The following IQGAP1 variants were observed in gnomAD, a reference collection of about 807,000 sequenced individuals.
The protein encoded by IQGAP1 is IQ motif containing GTPase activating protein 1, also known as ras GTPase-activating-like protein IQGAP1.
IQGAP1 carries 66 observed loss-of-function variants against 215.6 expected under a neutral mutation model. The observed-to-expected ratio is 0.31, with a 90% confidence interval of 0.25 to 0.38. The LOEUF (loss-of-function observed/expected upper bound fraction) is 0.38, where lower values mean the gene tolerates loss of function less well. IQGAP1 is among the 10% of genes least tolerant of loss of function. The probability of loss-of-function intolerance (pLI) is 1.00; values close to 1 mark genes in which losing one functional copy is unlikely to be tolerated. For synonymous variants in IQGAP1, 772 were observed against 728.7 expected (o/e 1.06, Z -0.96); for missense variants, 1,712 against 1,997.1 (o/e 0.86, Z 2.72).
chr15:90,476,730 T>C lies in IQGAP1; in HGVS notation c.2852T>C (p.Ile951Thr). ...NKEQLSDMMM[I>T]NKQKGGLKAL... Reference sequence around the variant, plus strand: ...GAACAGTTGTCTGATATGATGATGATAAATAAACAGAAGGGAGGTCTCAAG... The same window carrying C: ...GAACAGTTGTCTGATATGATGATGACAAATAAACAGAAGGGAGGTCTCAAG... The change falls in exon 24 of 38, where the codon ATA becomes ACA. Residue 951 changes from isoleucine to threonine, a missense_variant. Around this residue, in one of 2 missense-constraint regions of IQGAP1, gnomAD observed 691 missense variants for 923.0 expected, o/e 0.75. Coordinates refer to ENST00000268182, the MANE Select transcript of IQGAP1 (RefSeq NM_003870.4). The C allele has an allele frequency of 6.2e-7, 1 of 1,607,088 alleles. No homozygotes were observed. Among genetic ancestry groups the C allele is most frequent in the Non-Finnish European group, 8.5e-7 (1 of 1,178,266 alleles).
intron 1 of IQGAP1, among the ~76,000 whole-genome samples, chr15:90,390,562 TATC>T (rs1964621438): frequency 6.6e-6 from 1 of 152,252 alleles, no homozygotes; most frequent in Admixed American, 6.5e-5. Context: ...ATATTTATAT[TATC>T]ATACATTTTT....
At chr15:90,477,306 C>T in intron 25 of IQGAP1, 76 bp downstream of exon 25, 1 of 1,192,070 alleles carries the variant, frequency 8.4e-7, no homozygotes, top group South Asian at 1.4e-5. Flanking sequence ...TCATGCCTTC[C>T]TGATCTTTTC....
chr15:90,466,576 T>TA (rs1255984394), intron 17 of IQGAP1, 140 bp downstream of exon 17: 1 of 798,732 alleles, frequency 1.3e-6, no homozygotes, highest in Non-Finnish European at 1.9e-6. Flanking sequence ...TTAAAGGAGA[T>TA]AAAATCCCTA....
At chr15:90,491,955 G>A (rs908733225) in intron 34 of IQGAP1, among the ~76,000 whole-genome samples, 3 of 152,170 alleles carry the variant, frequency 2.0e-5, no homozygotes. Flanking sequence ...ATAATATTAT[G>A]CACACCTGAG....
At chr15:90,491,636 A>C in intron 34 of IQGAP1, 91 bp downstream of exon 34, 1 of 1,018,008 alleles carries the variant, frequency 9.8e-7, no homozygotes. Flanking sequence ...GCATAGCTTC[A>C]GTTCATGGGC....
chr15:90,410,806 CAT>C, intron 2 of IQGAP1, among the ~76,000 whole-genome samples: 1 of 148,296 alleles, frequency 6.7e-6, no homozygotes, highest in Non-Finnish European at 1.5e-5. Flanking sequence ...AACAAACCTG[CAT>C]GTTGTGCACA....
Position 90,486,134 on chromosome 15 carries a change from T to C in IQGAP1, c.4024+2T>C. 6.2e-7 allele frequency: 1 copy of C among 1,607,514 alleles called. No individual in the cohort carries two copies. On this transcript the variant is annotated splice_donor_variant, in intron 31 of 37. Transcript: ENST00000268182. LOFTEE classifies it high-confidence loss of function. Reference sequence around the variant, plus strand: ...TGCCCACCATCGAGTCCCTGATAGGTAGAGTTCTAACTTTTGCCTGGAAGA... The same window carrying C: ...TGCCCACCATCGAGTCCCTGATAGGCAGAGTTCTAACTTTTGCCTGGAAGA...
At chr15:90,484,463 A>C in intron 30 of IQGAP1, 111 bp downstream of exon 30, 1 of 739,502 alleles carries the variant, frequency 1.4e-6, no homozygotes, top group Non-Finnish European at 2.2e-6. Flanking sequence ...TCTAACTGAC[A>C]ATGCATCTCC....
At chr15:90,454,377 T>C in intron 13 of IQGAP1, 51 bp from the exon 14 acceptor site, 1 of 1,609,100 alleles carries the variant, frequency 6.2e-7, no homozygotes, top group Non-Finnish European at 8.5e-7. Context: ...GTTCCTTGAA[T>C]ATTTAAACAT....
At chr15:90,489,662 A>G (rs1966176150) in intron 33 of IQGAP1, among the ~76,000 whole-genome samples, 1 of 152,230 alleles carries the variant, frequency 6.6e-6, no homozygotes, top group East Asian at 1.9e-4. Context: ...ACAGAGAACT[A>G]TTTGGAAACC....
chr15:90,453,197 C>T lies in IQGAP1; in HGVS notation c.1392C>T (p.Asn464=), dbSNP rs1475085159. Residue 464 remains asparagine (N), a synonymous_variant, in exon 13 of 38, where the codon AAC becomes AAT. Coordinates refer to ENST00000268182, the MANE Select transcript of IQGAP1 (RefSeq NM_003870.4). ...VEMLSSVALI[N]RALESGDVNT... Reference sequence around the variant, plus strand: ...TGTTGTCATCGGTGGCCCTGATCAACAGGGCATTGGAATCAGGAGATGTGA... The same window carrying T: ...TGTTGTCATCGGTGGCCCTGATCAATAGGGCATTGGAATCAGGAGATGTGA... The T allele has an allele frequency of 6.2e-7, 1 of 1,613,990 alleles. No individual in the cohort carries two copies. Among genetic ancestry groups the T allele is most frequent in the Non-Finnish European group, 8.5e-7 (1 of 1,179,894 alleles).
In IQGAP1 at chr15:90,414,876, C is replaced by T. The variant is rs117297280; in HGVS notation, c.156-11234C>T. On this transcript the variant is annotated intron_variant, in intron 2 of 37. Coordinates refer to ENST00000268182, the MANE Select transcript of IQGAP1 (RefSeq NM_003870.4). ...TCAACCGTGAATTGCTCATCCTCTC[C>T]GGCTTTTGTGGGTGTCCCCATTCTT... Among the ~76,000 whole-genome samples, 658 of 152,260 alleles carry T rather than the reference C, an allele frequency of 4.3e-3. 2 individuals are homozygous for T. Among genetic ancestry groups the T allele is most frequent in the Middle Eastern group, 6.8e-3 (2 of 294 alleles).
intron 1 of IQGAP1, 116 bp downstream of exon 1, chr15:90,388,512 A>G: frequency 1.1e-6 from 1 of 899,346 alleles, no homozygotes; most frequent in Non-Finnish European, 1.5e-6. Flanking sequence ...GGCAGCTCGG[A>G]CCCGGAAGAG....
Position 90,500,960 on chromosome 15 carries a change from T to G in IQGAP1, c.*852T>G, listed in dbSNP as rs980432798. The G allele has an allele frequency of 6.6e-6, 1 of 152,668 alleles. No homozygotes were observed. The highest frequency in any genetic ancestry group is 1.5e-5 in the Non-Finnish European group (1 of 68,040). The allele number at this position is 152,668 out of a possible 1,614,324, so 9.5% of individuals were successfully genotyped here. ...CCCTAATGTAGAATGTCATTGTTTT[T>G]AAAACTGTTTTATATCTTAAGAGTG... On this transcript the variant is annotated 3_prime_UTR_variant, in exon 38 of 38. Coordinates refer to ENST00000268182, the MANE Select transcript of IQGAP1 (RefSeq NM_003870.4).
chr15:90,474,495 G>A lies in IQGAP1; in HGVS notation c.2586G>A (p.Glu862=). The change falls in exon 23 of 38, where the codon GAG becomes GAA. Residue 862 remains glutamate (E), a synonymous_variant. Coordinates refer to ENST00000268182, the MANE Select transcript of IQGAP1 (RefSeq NM_003870.4). ...RDDYKTLINA[E]DPPMVVVRKF... is the part of the protein sequence containing the mutation. ...CATACTTTCTGTCAGTCAATGCTGA[G>A]GATCCTCCTATGGTTGTGGTCCGAA... 6.2e-7 allele frequency: 1 copy of A among 1,613,588 alleles called. No individual in the cohort carries two copies. Among genetic ancestry groups the A allele is most frequent in the Non-Finnish European group, 8.5e-7 (1 of 1,179,536 alleles).
At chr15:90,459,674 TTTTG>T (rs1003564678) in intron 15 of IQGAP1, among the ~76,000 whole-genome samples, 8 of 152,170 alleles carry the variant, frequency 5.3e-5, no homozygotes, top group African/African-American at 1.7e-4. Flanking sequence ...TGGAATTGTT[TTTTG>T]TTTGTTTGTT....
At chr15:90,467,728 A>T in intron 18 of IQGAP1, 136 bp downstream of exon 18, 1 of 810,062 alleles carries the variant, frequency 1.2e-6, no homozygotes. Flanking sequence ...GTTTTGCGGT[A>T]ATTTTTTTGT....
chr15:90,405,139 T>A (rs1371769539), intron 2 of IQGAP1, among the ~76,000 whole-genome samples: 1 of 152,202 alleles, frequency 6.6e-6, no homozygotes, highest in African/African-American at 2.4e-5. Context: ...TTTTGACTTT[T>A]GAATCGTATT....
At chr15:90,456,707 C>A (rs1965684919) in intron 15 of IQGAP1, among the ~76,000 whole-genome samples, 2 of 140,206 alleles carry the variant, frequency 1.4e-5, no homozygotes, top group South Asian at 4.6e-4. Context: ...GAAACCTCAT[C>A]TCTACTAAAA....
Sources: gnomAD v4.1 joint callset for allele counts (sites outside exome capture counted in the v4.1 genomes callset) on GRCh38, gnomAD v4.1.1 for gene constraint, gnomAD v4.1.1 regional missense constraint, MANE v1.5 for transcripts, NCBI Gene and HGNC (gene_info 2026-07-23, HGNC 2026-07-21) for gene names.